Variants in ZMYM2 observed in about 807,000 individuals in gnomAD.
ZMYM2 encodes zinc finger MYM-type containing 2, also known as zinc finger MYM-type protein 2.
In ZMYM2, 56 loss-of-function variants were observed where a neutral mutation model predicts 162.8. That is an observed-to-expected ratio of 0.34 (90% CI 0.28 to 0.43). ZMYM2 has a LOEUF of 0.43. ZMYM2 is among the 20% of genes least tolerant of loss of function. The probability of loss-of-function intolerance (pLI) is 1.00; values close to 1 mark genes in which losing one functional copy is unlikely to be tolerated. For synonymous variants in ZMYM2, 510 were observed against 541.6 expected (o/e 0.94, Z 0.81); for missense variants, 1,275 against 1,621.8 (o/e 0.79, Z 3.67).
At chr13:20,027,353 A>G (rs545873872) in intron 9 of ZMYM2, 35 bp downstream of exon 9, 9 of 1,427,064 alleles carry the variant, frequency 6.3e-6, no homozygotes, top group South Asian at 3.9e-5. Flanking sequence ...CATGCCCCCA[A>G]TAAAATACAC....
intron 3 of ZMYM2, among the ~76,000 whole-genome samples, chr13:19,996,737 C>G (rs945544670): frequency 6.6e-6 from 1 of 151,828 alleles, no homozygotes; most frequent in African/African-American, 2.4e-5. Context: ...ACAAAAAAAA[C>G]TAGCCAGGCA....
chr13:19,915,671 T>G, the ZMYM2 span, among the ~76,000 whole-genome samples: 1 of 151,456 alleles, frequency 6.6e-6, no homozygotes, highest in South Asian at 2.1e-4. Context: ...GCCCAGCTAA[T>G]TTTTGTATTT....
the ZMYM2 span, among the ~76,000 whole-genome samples, chr13:19,929,646 TA>T: frequency 0.43 from 65,259 of 152,030 alleles, 16,029 homozygotes; most frequent in East Asian, 0.58. Context: ...AATGTCTTTT[TA>T]AAAGTGTTTG....
At chr13:20,085,151 G>A (rs1190866132) in intron 24 of ZMYM2, among the ~76,000 whole-genome samples, 1 of 152,178 alleles carries the variant, frequency 6.6e-6, no homozygotes, top group African/African-American at 2.4e-5. Context: ...TGTGTGTTAT[G>A]TGCCTGTGTT....
the ZMYM2 span, among the ~76,000 whole-genome samples, chr13:19,953,440 T>C: frequency 4.6e-5 from 7 of 152,084 alleles, no homozygotes; most frequent in African/African-American, 1.7e-4. Context: ...ATCCGAGCAC[T>C]TTGGGAGGCT....
chr13:19,901,635 C>T, the ZMYM2 span, among the ~76,000 whole-genome samples: 2 of 152,020 alleles, frequency 1.3e-5, no homozygotes, highest in Non-Finnish European at 2.9e-5. Context: ...AGGCGTGGTG[C>T]CTGGCTAATT....
chr13:19,866,190 C>G, the ZMYM2 span, among the ~76,000 whole-genome samples: 1 of 151,700 alleles, frequency 6.6e-6, no homozygotes. Flanking sequence ...TCACTGCACT[C>G]CAGTCTGGGC....
At chr13:19,927,480 G>A in the ZMYM2 span, among the ~76,000 whole-genome samples, 1 of 152,112 alleles carries the variant, frequency 6.6e-6, no homozygotes, top group African/African-American at 2.4e-5. Flanking sequence ...TAATGCTTCC[G>A]TGATCCCTGC....
the ZMYM2 span, among the ~76,000 whole-genome samples, chr13:19,884,144 G>C: frequency 2.6e-5 from 4 of 152,186 alleles, no homozygotes; most frequent in Non-Finnish European, 4.4e-5. Flanking sequence ...GCTGAGGCAG[G>C]ATTGCTTGAG....
At chr13:19,981,703 C>G (rs771465810) in intron 2 of ZMYM2, among the ~76,000 whole-genome samples, 2 of 152,146 alleles carry the variant, frequency 1.3e-5, no homozygotes, top group African/African-American at 2.4e-5. Context: ...TTTCTTTTCT[C>G]TCTGAATATA....
intron 21 of ZMYM2, among the ~76,000 whole-genome samples, chr13:20,078,459 T>C (rs1423521491): frequency 6.6e-6 from 1 of 152,246 alleles, no homozygotes; most frequent in Non-Finnish European, 1.5e-5. Context: ...TTTGACCATA[T>C]GTTTGTCATA....
the ZMYM2 span, among the ~76,000 whole-genome samples, chr13:19,948,844 TA>T: frequency 6.6e-6 from 1 of 152,182 alleles, no homozygotes; most frequent in Non-Finnish European, 1.5e-5. Flanking sequence ...AAAACTGTTT[TA>T]AAAAATGAAG....
the ZMYM2 span, among the ~76,000 whole-genome samples, chr13:19,884,155 C>T: frequency 2.6e-5 from 4 of 152,120 alleles, no homozygotes; most frequent in African/African-American, 9.7e-5. Context: ...ATTGCTTGAG[C>T]TTATGAGTTT....
intron 3 of ZMYM2, among the ~76,000 whole-genome samples, 160 bp from the exon 4 acceptor site, chr13:20,002,690 T>TA (rs1163034263): frequency 6.6e-6 from 1 of 152,214 alleles, no homozygotes; most frequent in Non-Finnish European, 1.5e-5. Flanking sequence ...GTGACATTCT[T>TA]ACTCCAAAAC....
chr13:19,963,141 A>G (rs766427476), intron 2 of ZMYM2, among the ~76,000 whole-genome samples: 20 of 152,074 alleles, frequency 1.3e-4, no homozygotes, highest in Non-Finnish European at 2.1e-4. Flanking sequence ...GCCGGCCTGC[A>G]TGTGATTTTT....
At chr13:20,046,579 A>ATGTGTG (rs1354962013) in intron 12 of ZMYM2, among the ~76,000 whole-genome samples, 7 of 41,098 alleles carry the variant, frequency 1.7e-4, no homozygotes, top group South Asian at 2.2e-3. Context: ...ATATATATAT[A>ATGTGTG]TATGTGTGTG....
At chr13:19,978,370 A>C (rs1046195075) in intron 2 of ZMYM2, among the ~76,000 whole-genome samples, 1 of 151,802 alleles carries the variant, frequency 6.6e-6, no homozygotes, top group African/African-American at 2.4e-5. Flanking sequence ...CATAGATTAC[A>C]TCTGTATATA....
intron 6 of ZMYM2, among the ~76,000 whole-genome samples, chr13:20,017,999 A>G (rs1951765236): frequency 1.3e-5 from 2 of 152,158 alleles, no homozygotes; most frequent in Non-Finnish European, 2.9e-5. Context: ...GTACTATGGT[A>G]TTGCCAAGTG....
the ZMYM2 span, among the ~76,000 whole-genome samples, chr13:19,880,947 G>T: frequency 6.6e-5 from 10 of 150,796 alleles, no homozygotes; most frequent in African/African-American, 2.4e-4. Context: ...GGAGTGCCAT[G>T]GCATGATCTC....
Sources: gnomAD v4.1 joint callset for allele counts (sites outside exome capture counted in the v4.1 genomes callset) on GRCh38, gnomAD v4.1.1 for gene constraint, MANE v1.5 for transcripts, NCBI Gene and HGNC (gene_info 2026-07-23, HGNC 2026-07-21) for gene names.